Variants in DMTF1 observed in about 807,000 individuals in gnomAD.
The protein encoded by DMTF1 is cyclin D binding myb like transcription factor 1, also known as cyclin-D-binding Myb-like transcription factor 1.
A neutral mutation model predicts 91.1 loss-of-function variants in DMTF1; 39 were observed. That is an observed-to-expected ratio of 0.43 (90% CI 0.33 to 0.56). The LOEUF (loss-of-function observed/expected upper bound fraction) is 0.56. DMTF1 is among the 20% of genes least tolerant of loss of function. DMTF1 has a pLI of 0.05. For missense variants in DMTF1, 750 were observed against 914.5 expected, an observed-to-expected ratio of 0.82 and a Z score of 2.32; for synonymous variants, 338 against 309.5, an observed-to-expected ratio of 1.09 and a Z score of -0.97.
chr7:87,184,958 A>G (rs544201607), intron 11 of DMTF1: 3 of 474,838 alleles, frequency 6.3e-6, no homozygotes, highest in African/African-American at 5.9e-5. Flanking sequence ...GTCCTAGCCT[A>G]GGGGGAACAC....
intron 13 of DMTF1, among the ~76,000 whole-genome samples, chr7:87,188,865 T>C (rs1397820482): frequency 6.6e-6 from 1 of 152,158 alleles, no homozygotes; most frequent in Non-Finnish European, 1.5e-5. Flanking sequence ...TTTTCTTCTT[T>C]AGGTATAAGT....
rs772424287 is a variant in DMTF1 at position 87,166,477 on chromosome 7, C to CTT, written c.110-6_110-5insTT. 1.6e-5 allele frequency: 25 copies of CTT among 1,604,596 alleles called. No individual in the cohort carries two copies. Among genetic ancestry groups the CTT allele is most frequent in the Non-Finnish European group, 1.9e-5 (22 of 1,176,520 alleles). On this transcript the variant is annotated splice_region_variant and splice_polypyrimidine_tract_variant and intron_variant, in intron 3 of 17. Transcript: ENST00000331242. The stretch of plus-strand genomic sequence containing the variant: ...AAATTTTTGTTTGTTTGTTTTCTTC[C>CTT]ATTAGAAGCGGATGAAATAGACTCA...
chr7:87,185,342 G>GT (rs1798178283), intron 11 of DMTF1, among the ~76,000 whole-genome samples: 1 of 151,688 alleles, frequency 6.6e-6, no homozygotes, highest in South Asian at 2.1e-4. Context: ...CTGTTGTGTT[G>GT]TTTTTTGATT....
At chr7:87,176,920 A>T (rs752099809) in intron 7 of DMTF1, among the ~76,000 whole-genome samples, 2 of 152,144 alleles carry the variant, frequency 1.3e-5, no homozygotes, top group Non-Finnish European at 2.9e-5. Flanking sequence ...TATAAGCAAG[A>T]AAAAGGGCAA....
Position 87,193,348 on chromosome 7 carries a change from T to TTATCCGTATGTTACATAA in DMTF1, c.1646_1650+13dup. The TTATCCGTATGTTACATAA allele has an allele frequency of 6.2e-7, 1 of 1,613,136 alleles. No individual in the cohort carries two copies. The highest frequency in any genetic ancestry group is 8.5e-7 in the Non-Finnish European group (1 of 1,179,412). ...TCCTGAACAGATTATTGTTCATGCT[T>TTATCCGTATGTTACATAA]TATCCGTATGTTACATAAATTACTT... On this transcript the variant is annotated inframe_insertion, in exon 15 of 18. Coordinates refer to ENST00000331242, the MANE Select transcript of DMTF1 (RefSeq NM_001142327.2).
chr7:87,196,073 CCTGTACTACAGAAGG>C lies in DMTF1; in HGVS notation c.*934_*948del, dbSNP rs1343308970. On this transcript the variant is annotated 3_prime_UTR_variant, in exon 18 of 18. Coordinates refer to ENST00000331242, the MANE Select transcript of DMTF1 (RefSeq NM_001142327.2). ...AAAGGAAACAAATCTAAGAATCATT[CCTGTACTACAGAAGG>C]GTTAAGGCAAAGGTAGCCTTTTGGG... is the stretch of plus-strand genomic sequence containing the variant. 1 of 152,380 alleles carries C rather than the reference CCTGTACTACAGAAGG, an allele frequency of 6.6e-6. No homozygotes were observed. The highest frequency in any genetic ancestry group is 1.5e-5 in the Non-Finnish European group (1 of 68,038). 9.4% of individuals were successfully genotyped at this position (152,380 alleles called of 1,614,324 possible).
intron 1 of DMTF1, chr7:87,155,431 C>T (rs1790427495): frequency 6.6e-6 from 1 of 151,980 alleles, no homozygotes; most frequent in Non-Finnish European, 1.5e-5. Context: ...AATTGATATA[C>T]TTTTAAATGC....
intron 10 of DMTF1, among the ~76,000 whole-genome samples, chr7:87,182,878 C>T (rs991517743): frequency 3.3e-5 from 5 of 152,118 alleles, no homozygotes; most frequent in African/African-American, 7.2e-5. Context: ...CCACAAATGC[C>T]TCTTAATGCA....
chr7:87,165,182 C>G (rs1193259752), intron 3 of DMTF1, 132 bp downstream of exon 3: 4 of 488,580 alleles, frequency 8.2e-6, no homozygotes, highest in Non-Finnish European at 7.3e-6. Context: ...AGGAGATTAT[C>G]TCTTTAACAT....
intron 1 of DMTF1, among the ~76,000 whole-genome samples, chr7:87,161,685 C>G (rs999506787): frequency 1.3e-5 from 2 of 152,140 alleles, no homozygotes; most frequent in Non-Finnish European, 2.9e-5. Flanking sequence ...AAAAAAGGAG[C>G]CAGGATTCCT....
intron 1 of DMTF1, among the ~76,000 whole-genome samples, chr7:87,160,968 C>A (rs1056686145): frequency 5.9e-5 from 9 of 151,908 alleles, no homozygotes; most frequent in African/African-American, 1.9e-4. Flanking sequence ...CTAATCCTGG[C>A]CTGTTGAACT....
chr7:87,193,471 A>G lies in DMTF1; in HGVS notation c.1650+118A>G, dbSNP rs113800988. 2.7e-3 allele frequency: 2,778 copies of G among 1,022,912 alleles called. 52 individuals carry two copies. In the African/African-American group the frequency reaches 0.039, roughly 14 times the overall value. The allele number at this position is 1,022,912 out of a possible 1,614,324, so 63.4% of individuals were successfully genotyped here. On this transcript the variant is annotated intron_variant, in intron 15 of 17. Coordinates refer to ENST00000331242, the MANE Select transcript of DMTF1 (RefSeq NM_001142327.2). ...TCTTCCTACTGCTGCTGTTCCAGGC[A>G]CAGTGTTATACACCATCACTCTGCC...
Position 87,173,481 on chromosome 7 carries a change from T to C in DMTF1, c.328-54T>C. On this transcript the variant is annotated intron_variant, in intron 5 of 17. Transcript: ENST00000331242. ...AATCCGGTTGAGCATTAAATCAAGC[T>C]GCCATTTTTTTGTTTTGTTTTGTTT... The C allele has an allele frequency of 5.9e-6, 7 of 1,178,108 alleles. No homozygotes were observed. The South Asian group carries it at 8.1e-5, about 14-fold the overall frequency. 73.0% of individuals were successfully genotyped at this position (1,178,108 alleles called of 1,614,324 possible).
Position 87,174,653 on chromosome 7 carries a change from T to C in DMTF1, c.503T>C (p.Ile168Thr). Residue 168 changes from isoleucine (I) to threonine (T), a missense_variant, in exon 7 of 18, where the codon ATT (isoleucine) becomes ACT (threonine). Ile to Thr is a moderately conservative substitution (Grantham distance 89). Around this residue, in one of 3 missense-constraint regions of DMTF1, gnomAD observed 190 missense variants for 343.8 expected, o/e 0.55. Transcript: ENST00000331242. The part of the protein sequence containing the change: ...KEEIDILMNN[I>T]ERYLKARGIK... ...GAAATTGATATTTTGATGAACAATA[T>C]TGAACGCTATCTTAAGGTATCTTAT... 4 of 1,609,048 alleles carry C rather than the reference T, an allele frequency of 2.5e-6. No individual in the cohort carries two copies. Among genetic ancestry groups the C allele is most frequent in the Non-Finnish European group, 3.4e-6 (4 of 1,176,774 alleles).
In DMTF1 at chr7:87,174,946, T is replaced by C. The variant is rs116838008; in HGVS notation, c.519+277T>C. On this transcript the variant is annotated intron_variant, in intron 7 of 17. Transcript: ENST00000331242. ...TCTCAACATTTTAAAGCCTTATCTT[T>C]TCAAGAAGCCTATAGAGTTTAATTT... Among the ~76,000 whole-genome samples, 602 of 152,288 alleles carry C rather than the reference T, an allele frequency of 4.0e-3. 2 individuals are homozygous for C. Among genetic ancestry groups the C allele is most frequent in the African/African-American group, 0.013 (558 of 41,576 alleles).
intron 5 of DMTF1, among the ~76,000 whole-genome samples, chr7:87,172,165 T>C (rs1354724314): frequency 3.3e-5 from 5 of 152,214 alleles, no homozygotes; most frequent in African/African-American, 1.2e-4. Flanking sequence ...TCTTTACTGA[T>C]GTATAACTCT....
At chr7:87,178,566 A>G (rs1304096367) in intron 7 of DMTF1, among the ~76,000 whole-genome samples, 1 of 152,014 alleles carries the variant, frequency 6.6e-6, no homozygotes, top group Non-Finnish European at 1.5e-5. Context: ...AAATTAACAC[A>G]AACTTGTATT....
At chr7:87,190,091 G>T (rs1031490685) in intron 13 of DMTF1, among the ~76,000 whole-genome samples, 13 of 151,924 alleles carry the variant, frequency 8.6e-5, no homozygotes, top group Admixed American at 8.5e-4. Context: ...GACTGCAAGC[G>T]CCAAAAAAGA....
At chr7:87,157,502 C>T (rs969813743) in intron 1 of DMTF1, among the ~76,000 whole-genome samples, 1 of 152,044 alleles carries the variant, frequency 6.6e-6, no homozygotes, top group Non-Finnish European at 1.5e-5. Context: ...TGACTTTATT[C>T]CTTGATTCTG....
Sources: allele counts gnomAD v4.1 joint callset (sites outside exome capture counted in the v4.1 genomes callset), GRCh38; gene constraint gnomAD v4.1.1; regional missense constraint gnomAD v4.1.1; transcripts MANE v1.5; gene names NCBI Gene and HGNC (gene_info 2026-07-23, HGNC 2026-07-21).